The following GRIN2B variants were observed in gnomAD, a reference collection of about 807,000 sequenced individuals.
The protein encoded by GRIN2B is glutamate ionotropic receptor NMDA type subunit 2B, also known as glutamate receptor ionotropic, NMDA 2B.
A neutral mutation model predicts 114.5 loss-of-function variants in GRIN2B; 5 were observed. The observed-to-expected ratio is 0.04, with a 90% CI of 0.02 to 0.09. The LOEUF is 0.09. GRIN2B is among the 10% of genes least tolerant of loss of function. The probability of loss-of-function intolerance (pLI) is 1.00; values close to 1 mark genes in which losing one functional copy is unlikely to be tolerated. For missense variants in GRIN2B, 1,108 were observed against 1,943.5 expected (o/e 0.57, Z 8.08); for synonymous variants, 787 against 745.1 (o/e 1.06, Z -0.92).
chr12:13,587,914 A>C (rs867886815), intron 10 of GRIN2B, among the ~76,000 whole-genome samples: 3 of 152,208 alleles, frequency 2.0e-5, no homozygotes, highest in Admixed American at 2.0e-4. Context: ...TTTTGCCATT[A>C]AAAGTAATTA....
intron 2 of GRIN2B, among the ~76,000 whole-genome samples, chr12:13,878,361 C>T (rs1866022472): frequency 6.6e-6 from 1 of 152,196 alleles, no homozygotes; most frequent in African/African-American, 2.4e-5. Flanking sequence ...CAGCCTACTT[C>T]CAGACTTCAG....
At chr12:13,646,129 A>T (rs950471813) in intron 5 of GRIN2B, among the ~76,000 whole-genome samples, 4 of 152,144 alleles carry the variant, frequency 2.6e-5, no homozygotes, top group Non-Finnish European at 5.9e-5. Flanking sequence ...ACAGCGGCAG[A>T]TATGAGAGGT....
At chr12:13,634,235 C>T (rs1465898626) in intron 5 of GRIN2B, 3 of 152,190 alleles carry the variant, frequency 2.0e-5, no homozygotes, top group Non-Finnish European at 4.4e-5. Context: ...TTCTGCTTTC[C>T]AGGAGCTTGT....
At chr12:13,809,590 A>G (rs1185351744) in intron 3 of GRIN2B, among the ~76,000 whole-genome samples, 1 of 152,234 alleles carries the variant, frequency 6.6e-6, no homozygotes, top group Non-Finnish European at 1.5e-5. Context: ...GAATTCATAA[A>G]GTAAAATATT....
chr12:13,720,313 T>C (rs1027766076), intron 4 of GRIN2B, among the ~76,000 whole-genome samples: 3 of 151,968 alleles, frequency 2.0e-5, no homozygotes, highest in Non-Finnish European at 4.4e-5. Flanking sequence ...CTTTCTAGCA[T>C]TGTGTCAGAC....
Position 13,865,959 on chromosome 12 carries a change from G to C in GRIN2B, c.250C>G (p.Arg84Gly). 1 of 1,614,000 alleles carries C rather than the reference G, an allele frequency of 6.2e-7. No individual in the cohort carries two copies. Among genetic ancestry groups the C allele is most frequent in the Non-Finnish European group, 8.5e-7 (1 of 1,179,956 alleles). Residue 84 changes from arginine to glycine, a missense_variant, in exon 3 of 14, where the codon CGC (arginine) becomes GGC (glycine). Coordinates refer to ENST00000609686, the MANE Select transcript of GRIN2B (RefSeq NM_000834.5). ...NETDPKSIIT[R>G]ICDLMSDRKI... Reference sequence around the variant, plus strand: ...CGGTCAGACATGAGATCACAGATGCGGGTGATGATGCTCTTTGGGTCGGTC... The same window carrying C: ...CGGTCAGACATGAGATCACAGATGCCGGTGATGATGCTCTTTGGGTCGGTC...
At chr12:13,951,153 A>G (rs920589861) in intron 2 of GRIN2B, among the ~76,000 whole-genome samples, 2 of 152,236 alleles carry the variant, frequency 1.3e-5, no homozygotes, top group Admixed American at 1.3e-4. Flanking sequence ...GTATGCAAAT[A>G]TTACAATATT....
chr12:13,594,332 T>C (rs1317593171), intron 10 of GRIN2B, among the ~76,000 whole-genome samples: 1 of 152,194 alleles, frequency 6.6e-6, no homozygotes, highest in African/African-American at 2.4e-5. Flanking sequence ...TACCATGGAA[T>C]ACTATGCAGC....
At chr12:13,710,226 T>C (rs1591689307) in intron 4 of GRIN2B, among the ~76,000 whole-genome samples, 1 of 152,146 alleles carries the variant, frequency 6.6e-6, no homozygotes, top group East Asian at 1.9e-4. Flanking sequence ...ATGGGATGTA[T>C]CTCAAAATAA....
chr12:13,926,831 T>G (rs1392495277), intron 2 of GRIN2B, among the ~76,000 whole-genome samples: 1 of 152,016 alleles, frequency 6.6e-6, no homozygotes, highest in African/African-American at 2.4e-5. Context: ...CAGGCGCCTG[T>G]AGTCCCAGCT....
At chr12:13,700,266 C>T (rs1284918134) in intron 4 of GRIN2B, among the ~76,000 whole-genome samples, 1 of 152,124 alleles carries the variant, frequency 6.6e-6, no homozygotes, top group Non-Finnish European at 1.5e-5. Flanking sequence ...CATCCCCCTC[C>T]TCTTGGCCTA....
chr12:13,874,459 C>A (rs1025476610), intron 2 of GRIN2B, among the ~76,000 whole-genome samples: 1 of 152,234 alleles, frequency 6.6e-6, no homozygotes, highest in African/African-American at 2.4e-5. Flanking sequence ...TCACCAGCAG[C>A]AAACACTCAC....
rs1290066804 is a variant in GRIN2B, at chr12:13,825,464, T to A, written c.411+40334A>T. ...GTCAAGCTGGTAGATTTTATATATA[T>A]ATAATATATATATAATAAATATATA... On this transcript the variant is annotated intron_variant, in intron 3 of 13. Coordinates refer to ENST00000609686, the MANE Select transcript of GRIN2B (RefSeq NM_000834.5). 5.5e-5 allele frequency among the ~76,000 whole-genome samples: 8 copies of A among 145,982 alleles called. No homozygotes were observed. In the East Asian group the frequency reaches 1.6e-3, roughly 29 times the overall value.
Position 13,898,315 on chromosome 12 carries a change from T to C in GRIN2B, c.-18-32089A>G, listed in dbSNP as rs139487785. On this transcript the variant is annotated intron_variant, in intron 2 of 13. Transcript: ENST00000609686. ...GTCATTTATTGAGTATTTAAGTATG[T>C]GCCAGCCACTATGCTGTGTGATTTA... Among the ~76,000 whole-genome samples the C allele has an allele frequency of 5.6e-3, 855 of 152,350 alleles. 5 individuals carry two copies. Among genetic ancestry groups the C allele is most frequent in the Middle Eastern group, 0.027 (8 of 294 alleles).
intron 3 of GRIN2B, among the ~76,000 whole-genome samples, chr12:13,815,995 T>C (rs1864816246): frequency 1.3e-5 from 2 of 152,106 alleles, no homozygotes; most frequent in South Asian, 2.1e-4. Context: ...GTTCCTCAGG[T>C]ATGAAATGAT....
chr12:13,866,727 T>A (rs934344350), intron 2 of GRIN2B, among the ~76,000 whole-genome samples: 6 of 152,232 alleles, frequency 3.9e-5, no homozygotes, highest in Non-Finnish European at 7.3e-5. Flanking sequence ...CTTCACCTTA[T>A]GTTTGCCTCA....
chr12:13,746,938 C>T (rs968022199), intron 4 of GRIN2B, among the ~76,000 whole-genome samples: 5 of 152,146 alleles, frequency 3.3e-5, no homozygotes, highest in Non-Finnish European at 4.4e-5. Context: ...ATGCTGGCAC[C>T]GTGCCTCTTG....
At chr12:13,930,712 A>G (rs1054606497) in intron 2 of GRIN2B, among the ~76,000 whole-genome samples, 1 of 152,332 alleles carries the variant, frequency 6.6e-6, no homozygotes, top group East Asian at 1.9e-4. Flanking sequence ...TAAAAGGATG[A>G]CATCAATCCC....
intron 5 of GRIN2B, among the ~76,000 whole-genome samples, chr12:13,655,636 G>A (rs1265721789): frequency 6.6e-6 from 1 of 152,152 alleles, no homozygotes; most frequent in Non-Finnish European, 1.5e-5. Context: ...GTGTCCTTCA[G>A]AAAGTCACTA....
Sources: gnomAD v4.1 joint callset for allele counts (sites outside exome capture counted in the v4.1 genomes callset) on GRCh38, gnomAD v4.1.1 for gene constraint, MANE v1.5 for transcripts, NCBI Gene and HGNC (gene_info 2026-07-23, HGNC 2026-07-21) for gene names.